The following PDE4B variants were observed in gnomAD, a reference collection of about 807,000 sequenced individuals.
The protein encoded by PDE4B is 3',5'-cyclic-AMP phosphodiesterase 4B.
In PDE4B, 20 loss-of-function variants were observed where a neutral mutation model predicts 82.2. The ratio of observed to expected loss-of-function variants is 0.24; its 90% confidence interval spans 0.17 to 0.35. PDE4B has a LOEUF of 0.35. Ranked by LOEUF, PDE4B falls within the 10% of genes least tolerant of loss-of-function variation. The pLI, the probability that PDE4B is intolerant of heterozygous loss-of-function variation, is 1.00. For synonymous variants in PDE4B, 320 were observed against 318.9 expected (o/e 1.00, Z -0.04); for missense variants, 655 against 907.2 (o/e 0.72, Z 3.57).
intron 3 of PDE4B, among the ~76,000 whole-genome samples, chr1:66,215,989 T>A (rs1046598327): frequency 1.1e-4 from 16 of 152,002 alleles, no homozygotes; most frequent in African/African-American, 3.9e-4. Context: ...AAACTGAAAG[T>A]GCTTGCAAAG....
chr1:65,877,711 T>A (rs1037177944), intron 1 of PDE4B, among the ~76,000 whole-genome samples: 1 of 151,784 alleles, frequency 6.6e-6, no homozygotes, highest in Non-Finnish European at 1.5e-5. Context: ...GACCCATTCC[T>A]TACACCCTAT....
intron 3 of PDE4B, among the ~76,000 whole-genome samples, chr1:65,954,394 A>G (rs1403553862): frequency 6.6e-6 from 1 of 152,116 alleles, no homozygotes; most frequent in African/African-American, 2.4e-5. Context: ...CTGAGGCAGT[A>G]GCAACCTAAT....
chr1:66,355,868 G>A (rs1662197190), intron 9 of PDE4B, among the ~76,000 whole-genome samples: 1 of 152,010 alleles, frequency 6.6e-6, no homozygotes, highest in Admixed American at 6.6e-5. Flanking sequence ...GTATTTAAAC[G>A]GCCCTCAGCC....
At chr1:66,074,757 C>T (rs1656330952) in intron 3 of PDE4B, among the ~76,000 whole-genome samples, 1 of 152,080 alleles carries the variant, frequency 6.6e-6, no homozygotes, top group Admixed American at 6.6e-5. Context: ...TGTTTGTCTT[C>T]TTCCACTCAG....
intron 7 of PDE4B, among the ~76,000 whole-genome samples, chr1:66,272,779 CT>C (rs869201227): frequency 0.053 from 3,268 of 61,622 alleles, 29 homozygotes; most frequent in African/African-American, 0.2. Context: ...TACTAGAATT[CT>C]TTTTTTTTTT....
chr1:65,944,017 G>A (rs1014209377), intron 3 of PDE4B, among the ~76,000 whole-genome samples: 2 of 151,904 alleles, frequency 1.3e-5, no homozygotes, highest in African/African-American at 2.4e-5. Context: ...AGGATGTCCA[G>A]CAGCATGTTG....
intron 3 of PDE4B, among the ~76,000 whole-genome samples, chr1:65,929,592 G>T (rs192394434): frequency 6.6e-6 from 1 of 152,310 alleles, no homozygotes; most frequent in Admixed American, 6.5e-5. Context: ...TAACAGACTT[G>T]AGGTTCAGTA....
intron 1 of PDE4B, among the ~76,000 whole-genome samples, chr1:65,813,892 G>GAAA (rs1645847551): frequency 2.1e-5 from 1 of 48,662 alleles, no homozygotes; most frequent in Non-Finnish European, 4.5e-5. Flanking sequence ...AGGCACTGCG[G>GAAA]CAAAAAAAAA....
intron 3 of PDE4B, among the ~76,000 whole-genome samples, chr1:66,072,334 A>G (rs1417794168): frequency 6.6e-6 from 1 of 152,074 alleles, no homozygotes; most frequent in Non-Finnish European, 1.5e-5. Context: ...GATTTCCAAA[A>G]TCATTTGATT....
intron 3 of PDE4B, among the ~76,000 whole-genome samples, chr1:66,201,246 G>C (rs994601491): frequency 1.3e-5 from 2 of 152,178 alleles, no homozygotes; most frequent in Non-Finnish European, 2.9e-5. Flanking sequence ...GATTCGGTTT[G>C]CCAGTATTTT....
intron 3 of PDE4B, among the ~76,000 whole-genome samples, chr1:65,920,735 CA>C (rs1273650910): frequency 6.6e-6 from 1 of 151,920 alleles, no homozygotes; most frequent in Non-Finnish European, 1.5e-5. Flanking sequence ...AATTAGAAAC[CA>C]TGTCTCTAGT....
At chr1:65,883,173 T>C (rs901104053) in intron 1 of PDE4B, among the ~76,000 whole-genome samples, 1 of 152,142 alleles carries the variant, frequency 6.6e-6, no homozygotes, top group Non-Finnish European at 1.5e-5. Flanking sequence ...TTTAAAGTAG[T>C]TTTTTCCAAT....
At chr1:66,025,784 A>C (rs1045196571) in intron 3 of PDE4B, among the ~76,000 whole-genome samples, 1 of 152,174 alleles carries the variant, frequency 6.6e-6, no homozygotes, top group East Asian at 1.9e-4. Context: ...CCAGCAAGCA[A>C]ATTATCCCAT....
intron 3 of PDE4B, among the ~76,000 whole-genome samples, chr1:66,087,904 A>C (rs1383679873): frequency 2.0e-5 from 3 of 149,972 alleles, no homozygotes; most frequent in African/African-American, 7.3e-5. Context: ...GCATTGGGAG[A>C]TATACCTAAT....
chr1:65,847,769 C>T (rs1646283697), intron 1 of PDE4B, among the ~76,000 whole-genome samples: 1 of 152,172 alleles, frequency 6.6e-6, no homozygotes, highest in South Asian at 2.1e-4. Context: ...CTTTAGTATA[C>T]TATCATCATT....
At chr1:65,942,723 A>T (rs1327352750) in intron 3 of PDE4B, among the ~76,000 whole-genome samples, 1 of 151,956 alleles carries the variant, frequency 6.6e-6, no homozygotes, top group Non-Finnish European at 1.5e-5. Flanking sequence ...CCATTCTAAC[A>T]GGTGTGAGGT....
At chr1:66,015,827 A>C (rs1485457611) in intron 3 of PDE4B, among the ~76,000 whole-genome samples, 1 of 152,152 alleles carries the variant, frequency 6.6e-6, no homozygotes, top group Non-Finnish European at 1.5e-5. Context: ...TGGACACCTG[A>C]AGTTGGCAGG....
chr1:66,262,349 C>A (rs571400992), intron 6 of PDE4B, among the ~76,000 whole-genome samples: 1 of 152,308 alleles, frequency 6.6e-6, no homozygotes, highest in African/African-American at 2.4e-5. Context: ...CTGCTCTTCT[C>A]AAGTGAGGAA....
intron 7 of PDE4B, among the ~76,000 whole-genome samples, chr1:66,318,450 C>G (rs971390520): frequency 9.9e-5 from 15 of 152,204 alleles, no homozygotes; most frequent in African/African-American, 3.6e-4. Flanking sequence ...ACACTGGAGG[C>G]AAACTGCCTC....
Sources: gnomAD v4.1 joint callset for allele counts (sites outside exome capture counted in the v4.1 genomes callset) on GRCh38, gnomAD v4.1.1 for gene constraint, MANE v1.5 for transcripts, NCBI Gene and HGNC (gene_info 2026-07-23, HGNC 2026-07-21) for gene names.